Variants in TMCC1 observed in about 807,000 individuals in gnomAD.
TMCC1 encodes the protein transmembrane and coiled-coil domains protein 1.
Under a neutral mutation model 52.4 loss-of-function variants are expected in TMCC1, and 15 were observed. The ratio of observed to expected loss-of-function variants is 0.29; its 90% confidence interval spans 0.19 to 0.44. The LOEUF (loss-of-function observed/expected upper bound fraction) is 0.44, where lower values mean the gene tolerates loss of function less well. TMCC1 is among the 20% of genes least tolerant of loss of function. The pLI, the probability that TMCC1 is intolerant of heterozygous loss-of-function variation, is 1.00. For synonymous variants in TMCC1, 279 were observed against 301.9 expected (o/e 0.92, Z 0.79); for missense variants, 503 against 806.0 (o/e 0.62, Z 4.55).
chr3:129,708,228 A>C (rs2108989976), intron 4 of TMCC1, among the ~76,000 whole-genome samples: 1 of 152,236 alleles, frequency 6.6e-6, no homozygotes, highest in East Asian at 1.9e-4. Flanking sequence ...GGGGTGTTTT[A>C]TGTTGTAATT....
intron 4 of TMCC1, among the ~76,000 whole-genome samples, chr3:129,798,524 CAAAAAAAAAA>C (rs796919072): frequency 7.4e-5 from 5 of 67,900 alleles, no homozygotes; most frequent in African/African-American, 2.3e-4. Flanking sequence ...TCTTCCTATC[CAAAAAAAAAA>C]AAAAAAAAAA....
chr3:129,842,964 T>C (rs1347774282), intron 2 of TMCC1, among the ~76,000 whole-genome samples: 1 of 152,168 alleles, frequency 6.6e-6, no homozygotes. Flanking sequence ...GGAAAATGTA[T>C]AGTCTTAATT....
chr3:129,862,340 C>T (rs1397405492), intron 2 of TMCC1, among the ~76,000 whole-genome samples: 1 of 151,944 alleles, frequency 6.6e-6, no homozygotes, highest in African/African-American at 2.4e-5. Flanking sequence ...CTGAAAAGTA[C>T]ACTAAGAAAA....
chr3:129,785,534 T>C (rs1221832252), intron 4 of TMCC1, among the ~76,000 whole-genome samples: 1 of 151,576 alleles, frequency 6.6e-6, no homozygotes, highest in African/African-American at 2.4e-5. Flanking sequence ...AGCCTTTATG[T>C]CTAGTTTCCT....
At chr3:129,871,304 A>G (rs1346094931) in intron 2 of TMCC1, among the ~76,000 whole-genome samples, 1 of 149,554 alleles carries the variant, frequency 6.7e-6, no homozygotes, top group Non-Finnish European at 1.5e-5. Flanking sequence ...GGTTGCAGTG[A>G]GCAGAGATCA....
chr3:129,829,452 C>CAAAAAAAA (rs138497403), intron 3 of TMCC1, among the ~76,000 whole-genome samples: 1 of 71,178 alleles, frequency 1.4e-5, no homozygotes, highest in Non-Finnish European at 2.7e-5. Flanking sequence ...AAATCACATG[C>CAAAAAAAA]AAAAAAAAAA....
chr3:129,753,636 A>G (rs1215449119), intron 4 of TMCC1, among the ~76,000 whole-genome samples: 1 of 152,192 alleles, frequency 6.6e-6, no homozygotes, highest in Non-Finnish European at 1.5e-5. Context: ...GAAAGTTTTT[A>G]CTAAAATGAA....
intron 4 of TMCC1, among the ~76,000 whole-genome samples, chr3:129,702,818 C>T (rs1206410562): frequency 6.6e-6 from 1 of 152,008 alleles, no homozygotes; most frequent in Non-Finnish European, 1.5e-5. Context: ...GAGTTCGACA[C>T]CCGCCTGGCT....
intron 4 of TMCC1, among the ~76,000 whole-genome samples, chr3:129,803,793 A>G (rs2107778582): frequency 6.6e-6 from 1 of 152,270 alleles, no homozygotes; most frequent in East Asian, 1.9e-4. Context: ...TCATAATCAC[A>G]CAATGTGTGA....
intron 4 of TMCC1, among the ~76,000 whole-genome samples, chr3:129,770,903 C>T (rs2054518673): frequency 6.6e-6 from 1 of 152,180 alleles, no homozygotes; most frequent in Admixed American, 6.5e-5. Flanking sequence ...GTTCCCTAAA[C>T]AGTCATAATT....
chr3:129,790,263 T>C (rs1020973164), intron 4 of TMCC1, among the ~76,000 whole-genome samples: 4 of 152,196 alleles, frequency 2.6e-5, no homozygotes, highest in Non-Finnish European at 4.4e-5. Context: ...TCTGGAAAAT[T>C]AAAGTTTGAG....
At chr3:129,889,576 C>G (rs546231012) in intron 1 of TMCC1, among the ~76,000 whole-genome samples, 2 of 152,284 alleles carry the variant, frequency 1.3e-5, no homozygotes, top group East Asian at 3.9e-4. Context: ...GGCAGGAACT[C>G]TGCAGTATCT....
At chr3:129,734,934 G>A (rs533157359) in intron 4 of TMCC1, among the ~76,000 whole-genome samples, 272 of 142,060 alleles carry the variant, frequency 1.9e-3, no homozygotes, top group South Asian at 3.5e-3. Flanking sequence ...ATGGAGTCTC[G>A]CCCTGTCACC....
At chr3:129,776,697 A>T (rs2055065202) in intron 4 of TMCC1, among the ~76,000 whole-genome samples, 1 of 152,226 alleles carries the variant, frequency 6.6e-6, no homozygotes, top group South Asian at 2.1e-4. Flanking sequence ...GTGTCATCAC[A>T]GGTCACTGTG....
At chr3:129,824,551 A>ATTC (rs2058574232) in intron 4 of TMCC1, among the ~76,000 whole-genome samples, 1 of 152,220 alleles carries the variant, frequency 6.6e-6, no homozygotes, top group Non-Finnish European at 1.5e-5. Flanking sequence ...ATATTAAAGG[A>ATTC]AACTCAGTAT....
intron 4 of TMCC1, among the ~76,000 whole-genome samples, chr3:129,776,993 G>A (rs2055091767): frequency 6.6e-6 from 1 of 152,114 alleles, no homozygotes; most frequent in African/African-American, 2.4e-5. Context: ...GGTCAATCGA[G>A]TCAGGTATAC....
intron 2 of TMCC1, among the ~76,000 whole-genome samples, chr3:129,838,050 C>T (rs1035728354): frequency 1.3e-5 from 2 of 152,168 alleles, no homozygotes; most frequent in African/African-American, 4.8e-5. Context: ...AGAGAAGAAA[C>T]ATTTGAATGG....
intron 2 of TMCC1, among the ~76,000 whole-genome samples, chr3:129,860,115 G>A (rs541841709): frequency 4.5e-4 from 69 of 152,184 alleles, no homozygotes; most frequent in South Asian, 1.9e-3. Flanking sequence ...ATGTTAAAGC[G>A]TTCAATATTT....
chr3:129,888,703 C>T (rs2061832018), intron 1 of TMCC1, among the ~76,000 whole-genome samples: 2 of 152,168 alleles, frequency 1.3e-5, no homozygotes, highest in Non-Finnish European at 2.9e-5. Context: ...GAACATAACT[C>T]ATCACCACTA....
Sources: gnomAD v4.1 joint callset for allele counts (sites outside exome capture counted in the v4.1 genomes callset) on GRCh38, gnomAD v4.1.1 for gene constraint, MANE v1.5 for transcripts, NCBI Gene and HGNC (gene_info 2026-07-23, HGNC 2026-07-21) for gene names.